The following KCNC2 variants were observed in gnomAD, a reference collection of about 807,000 sequenced individuals.
KCNC2 encodes voltage-gated potassium channel KCNC2.
In KCNC2, 21 loss-of-function variants were observed where a neutral mutation model predicts 44.5. The ratio of observed to expected loss-of-function variants is 0.47; its 90% CI spans 0.33 to 0.68. The LOEUF (loss-of-function observed/expected upper bound fraction) is 0.68, where lower values mean the gene tolerates loss of function less well. KCNC2 is among the 30% of genes least tolerant of loss of function. KCNC2 has a pLI of 0.01. For missense variants in KCNC2, 589 were observed against 826.2 expected (o/e 0.71, Z 3.52); for synonymous variants, 391 against 339.1 (o/e 1.15, Z -1.68).
intron 2 of KCNC2, among the ~76,000 whole-genome samples, chr12:75,185,392 G>C (rs770317453): frequency 1.3e-5 from 2 of 152,150 alleles, no homozygotes; most frequent in South Asian, 4.1e-4. Flanking sequence ...GGGAGGTGGA[G>C]CCTCATAGGA....
chr12:75,141,443 T>G (rs1263989475), intron 2 of KCNC2, among the ~76,000 whole-genome samples: 2 of 152,198 alleles, frequency 1.3e-5, no homozygotes, highest in South Asian at 4.1e-4. Flanking sequence ...GTAGTGATAG[T>G]AATTATTTGA....
At chr12:75,167,952 T>A (rs1891567367) in intron 2 of KCNC2, among the ~76,000 whole-genome samples, 1 of 151,362 alleles carries the variant, frequency 6.6e-6, no homozygotes, top group Non-Finnish European at 1.5e-5. Context: ...AATCTCTGCA[T>A]TTTATCTTCT....
At chr12:75,098,979 A>T (rs1377144473) in intron 2 of KCNC2, among the ~76,000 whole-genome samples, 1 of 152,068 alleles carries the variant, frequency 6.6e-6, no homozygotes, top group Non-Finnish European at 1.5e-5. Context: ...TCATTGTTTG[A>T]CCTTGCCCAA....
intron 2 of KCNC2, among the ~76,000 whole-genome samples, chr12:75,062,077 A>G (rs1358992315): frequency 1.3e-5 from 2 of 152,250 alleles, no homozygotes; most frequent in East Asian, 3.9e-4. Context: ...CAGTGAATTC[A>G]TCTGTCCTAA....
intron 2 of KCNC2, among the ~76,000 whole-genome samples, chr12:75,125,558 T>C (rs17114680): frequency 0.15 from 22,798 of 152,222 alleles, 2,023 homozygotes; most frequent in Middle Eastern, 0.27. Flanking sequence ...TATGGAATGG[T>C]GAAATCTTTC....
At position 75,078,211 on chromosome 12, in the gene KCNC2, G is replaced by GA. The variant is rs538750441; in HGVS notation, c.688-26895dup. Among the ~76,000 whole-genome samples the GA allele has an allele frequency of 2.6e-5, 4 of 152,164 alleles. No individual in the cohort carries two copies. In the South Asian group the frequency reaches 6.2e-4, roughly 24 times the overall value. On this transcript the variant is annotated intron_variant, in intron 2 of 4. Transcript: ENST00000549446. ...CAAAGAGAAGGTCCAAATGAAAACT[G>GA]AAAAAAATGCTGTGTGTGTTTCTTC...
intron 4 of KCNC2, among the ~76,000 whole-genome samples, chr12:75,046,394 A>T (rs1172288490): frequency 6.6e-6 from 1 of 151,768 alleles, no homozygotes; most frequent in East Asian, 1.9e-4. Flanking sequence ...ATTTTCTTTG[A>T]CAGTTTAAAA....
intron 2 of KCNC2, among the ~76,000 whole-genome samples, chr12:75,174,331 A>C (rs1281999716): frequency 6.6e-6 from 1 of 151,912 alleles, no homozygotes. Context: ...TATGTGGCTA[A>C]AATGTCATAA....
chr12:75,056,415 GCTAC>G lies in KCNC2; in HGVS notation c.688-5102_688-5099del, dbSNP rs574856167. On this transcript the variant is annotated intron_variant, in intron 2 of 4. Transcript: ENST00000549446. ...CATCATGGGAAAATCATGAAAATAA[GCTAC>G]CTAAAATATAATACTAAGGAATTTC... 1.9e-4 allele frequency among the ~76,000 whole-genome samples: 29 copies of G among 151,918 alleles called. 1 individual carries two copies. The South Asian group carries it at 4.4e-3, about 23-fold the overall frequency.
At chr12:75,131,891 TGAGCCAGCTTTGC>T (rs1888873078) in intron 2 of KCNC2, among the ~76,000 whole-genome samples, 1 of 152,274 alleles carries the variant, frequency 6.6e-6, no homozygotes. Context: ...GGAATACCGT[TGAGCCAGCTTTGC>T]GTGGACTTCT....
At chr12:75,164,404 T>A (rs1038440393) in intron 2 of KCNC2, among the ~76,000 whole-genome samples, 1 of 151,718 alleles carries the variant, frequency 6.6e-6, no homozygotes, top group Admixed American at 6.6e-5. Flanking sequence ...ACAAGTCAAT[T>A]TGTGTCCTCA....
chr12:75,169,852 G>A lies in KCNC2; in HGVS notation c.687+37445C>T, dbSNP rs74526789. Among the ~76,000 whole-genome samples, 1,302 of 151,644 alleles carry A rather than the reference G, an allele frequency of 8.6e-3. 23 individuals are homozygous for A. The highest frequency in any genetic ancestry group is 0.03 in the African/African-American group (1,245 of 41,454). On this transcript the variant is annotated intron_variant, in intron 2 of 4. Transcript: ENST00000549446. ...CTTGGAATCTCTTATCCTTTCACAG[G>A]TATCAATGTTATGAGAATGTCATTA...
chr12:75,116,039 A>T (rs1887635628), intron 2 of KCNC2, among the ~76,000 whole-genome samples: 2 of 152,166 alleles, frequency 1.3e-5, no homozygotes, highest in African/African-American at 4.8e-5. Flanking sequence ...CTGTCAAGGA[A>T]CCTTGTGCTT....
At chr12:75,101,839 C>T (rs1361827892) in intron 2 of KCNC2, among the ~76,000 whole-genome samples, 1 of 152,004 alleles carries the variant, frequency 6.6e-6, no homozygotes, top group Non-Finnish European at 1.5e-5. Context: ...TTTAGCAAGC[C>T]TTGAAATTGC....
intron 2 of KCNC2, among the ~76,000 whole-genome samples, chr12:75,086,944 T>G (rs1885081382): frequency 6.6e-6 from 1 of 151,934 alleles, no homozygotes; most frequent in African/African-American, 2.4e-5. Context: ...TCACTTCATT[T>G]TATTCATGTA....
In KCNC2 at chr12:75,041,618, G is replaced by C; in HGVS notation, c.*1487C>G. ...TTGAATTCATAGGAATGCATAAATA[G>C]ACTTTCTTCCACTCAGACTGAATAT... On this transcript the variant is annotated 3_prime_UTR_variant, in exon 5 of 5. Transcript: ENST00000549446. The C allele has an allele frequency of 9.8e-7, 1 of 1,023,638 alleles. No homozygotes were observed. Among genetic ancestry groups the C allele is most frequent in the Non-Finnish European group, 1.2e-6 (1 of 851,910 alleles). 63.4% of individuals were successfully genotyped at this position (1,023,638 alleles called of 1,614,324 possible). A position where few individuals can be genotyped will look rare whatever the true frequency, so the allele number is the denominator to read the frequency against.
At chr12:75,189,220 T>A (rs2029958904) in intron 2 of KCNC2, among the ~76,000 whole-genome samples, 1 of 152,192 alleles carries the variant, frequency 6.6e-6, no homozygotes, top group Non-Finnish European at 1.5e-5. Context: ...GGATGAACCC[T>A]ACTTCTCCAA....
chr12:75,042,023 T>A lies in KCNC2; in HGVS notation c.*1082A>T. The A allele has an allele frequency of 9.0e-7, 1 of 1,113,854 alleles. No homozygotes were observed. The highest frequency in any genetic ancestry group is 1.1e-6 in the Non-Finnish European group (1 of 914,044). 69.0% of individuals were successfully genotyped at this position (1,113,854 alleles called of 1,614,324 possible). ...CCTGATTAAACACTGCCTGAAAATC[T>A]GATTAATCTTTTGACTCAGGAATTT... On this transcript the variant is annotated 3_prime_UTR_variant, in exon 5 of 5. Coordinates refer to ENST00000549446, the MANE Select transcript of KCNC2 (RefSeq NM_139137.4).
Position 75,207,857 on chromosome 12 carries a change from G to A in KCNC2, c.127C>T (p.Pro43Ser). 1 of 1,611,834 alleles carries A rather than the reference G, an allele frequency of 6.2e-7. No individual in the cohort carries two copies. The highest frequency in any genetic ancestry group is 1.7e-5 in the Admixed American group (1 of 59,952). The change falls in exon 2 of 5, where the codon CCA becomes TCA. Residue 43 changes from proline to serine, a missense_variant. Pro to Ser is a moderately conservative substitution (Grantham distance 74). Around this residue, in one of 7 missense-constraint regions of KCNC2, gnomAD observed 148 missense variants for 140.1 expected, o/e 1.06. Transcript: ENST00000549446. This position sits in a 1 kb window ranked among gnomAD's most constrained non-coding sequence, Gnocchi z 4.1. ...RLALLASSEP[P>S]GDCLTTAGDK... ...CCCGCCGTGGTCAAGCAGTCGCCTG[G>A]GGGCTCGGAGGAGGCAAGAAGGGCC...
Sources: gnomAD v4.1 joint callset for allele counts (sites outside exome capture counted in the v4.1 genomes callset) on GRCh38, gnomAD v4.1.1 for gene constraint, gnomAD v4.1.1 regional missense constraint, Gnocchi (gnomAD v3.1) non-coding constraint, MANE v1.5 for transcripts, NCBI Gene and HGNC (gene_info 2026-07-23, HGNC 2026-07-21) for gene names.